The following DOCK3 variants were observed in gnomAD, a reference collection of about 807,000 sequenced individuals.
DOCK3 encodes the protein dedicator of cytokinesis protein 3.
A neutral mutation model predicts 265.6 loss-of-function variants in DOCK3; 60 were observed. The ratio of observed to expected loss-of-function variants is 0.23; its 90% CI spans 0.18 to 0.28. The LOEUF is 0.28. Ranked by LOEUF, DOCK3 falls within the 10% of genes least tolerant of loss-of-function variation. DOCK3 has a pLI of 1.00. For missense variants in DOCK3, 1,981 were observed against 2,594.3 expected, an observed-to-expected ratio of 0.76 and a Z score of 5.14; for synonymous variants, 881 against 938.0, an observed-to-expected ratio of 0.94 and a Z score of 1.11.
At chr3:50,704,546 G>A (rs142021253) in intron 1 of DOCK3, among the ~76,000 whole-genome samples, 4 of 151,814 alleles carry the variant, frequency 2.6e-5, no homozygotes, top group East Asian at 1.9e-4. Flanking sequence ...TCCAGTATGC[G>A]TGGAAACATG....
At chr3:51,164,623 C>CA (rs11399207) in intron 12 of DOCK3, among the ~76,000 whole-genome samples, 71,219 of 106,336 alleles carry the variant, frequency 0.67, 23,368 homozygotes, top group African/African-American at 0.78. Flanking sequence ...GACTCCGTCT[C>CA]AAAAAAAAAA....
chr3:51,028,059 T>A (rs1178433849), intron 5 of DOCK3, among the ~76,000 whole-genome samples: 1 of 152,176 alleles, frequency 6.6e-6, no homozygotes, highest in African/African-American at 2.4e-5. Context: ...TGTGCTTTTG[T>A]GTAGCAAGTA....
rs922404356 is a variant in DOCK3, at chr3:51,042,870, G to A, written c.316-21578G>A. Reference sequence around the variant, plus strand: ...TGCCATAAAAAGAATAAAACACCTAGGAGTACAGCTAATCAGGGAGGTTGA... The same window carrying A: ...TGCCATAAAAAGAATAAAACACCTAAGAGTACAGCTAATCAGGGAGGTTGA... On this transcript the variant is annotated intron_variant, in intron 5 of 52. Coordinates refer to ENST00000266037, the MANE Select transcript of DOCK3 (RefSeq NM_004947.5). Among the ~76,000 whole-genome samples, 13 of 152,158 alleles carry A rather than the reference G, an allele frequency of 8.5e-5. No homozygotes were observed. The East Asian group carries it at 2.3e-3, about 27-fold the overall frequency.
intron 2 of DOCK3, among the ~76,000 whole-genome samples, chr3:50,821,417 A>G (rs186323398): frequency 2.0e-5 from 3 of 151,918 alleles, no homozygotes; most frequent in African/African-American, 7.2e-5. Context: ...CTCCTGCCTC[A>G]GCCTCCAGAG....
intron 2 of DOCK3, among the ~76,000 whole-genome samples, chr3:50,824,188 A>G (rs1180069872): frequency 6.6e-6 from 1 of 152,218 alleles, no homozygotes; most frequent in African/African-American, 2.4e-5. Flanking sequence ...TAATAAGTGA[A>G]TAAATGAATG....
At chr3:50,854,101 C>G (rs1055091678) in intron 3 of DOCK3, among the ~76,000 whole-genome samples, 1 of 152,036 alleles carries the variant, frequency 6.6e-6, no homozygotes, top group African/African-American at 2.4e-5. Flanking sequence ...TTGGCTGCTT[C>G]TGTGTCTTCT....
intron 5 of DOCK3, among the ~76,000 whole-genome samples, chr3:50,993,728 C>T (rs542287183): frequency 6.6e-6 from 1 of 152,372 alleles, no homozygotes; most frequent in African/African-American, 2.4e-5. Flanking sequence ...GTAGAATCTA[C>T]ACCTCCATCT....
intron 49 of DOCK3, among the ~76,000 whole-genome samples, chr3:51,372,960 T>G (rs2087805998): frequency 6.6e-6 from 1 of 152,230 alleles, no homozygotes; most frequent in South Asian, 2.1e-4. Context: ...AAAATCATAT[T>G]TTAGTCATTC....
intron 32 of DOCK3, among the ~76,000 whole-genome samples, chr3:51,329,002 A>C (rs967639811): frequency 1.3e-5 from 2 of 151,990 alleles, no homozygotes; most frequent in African/African-American, 4.8e-5. Context: ...AAAATACAAA[A>C]ATTAGCTGGG....
At chr3:50,775,470 T>C (rs1454437825) in intron 1 of DOCK3, among the ~76,000 whole-genome samples, 2 of 152,122 alleles carry the variant, frequency 1.3e-5, no homozygotes, top group Non-Finnish European at 2.9e-5. Context: ...AATTTGTTTC[T>C]TTTCTTTTTT....
chr3:51,145,542 G>A (rs2085259720), intron 9 of DOCK3, among the ~76,000 whole-genome samples: 1 of 152,152 alleles, frequency 6.6e-6, no homozygotes, highest in Admixed American at 6.5e-5. Flanking sequence ...CGATGGCTTT[G>A]AATGCAGCCC....
intron 6 of DOCK3, among the ~76,000 whole-genome samples, chr3:51,073,438 G>A (rs2081956043): frequency 6.6e-6 from 1 of 152,184 alleles, no homozygotes; most frequent in Non-Finnish European, 1.5e-5. Flanking sequence ...GCCTGAAATT[G>A]TTTCAGATAA....
At chr3:51,318,240 G>T (rs776710644) in intron 32 of DOCK3, among the ~76,000 whole-genome samples, 3 of 152,052 alleles carry the variant, frequency 2.0e-5, no homozygotes, top group Non-Finnish European at 4.4e-5. Context: ...TTAACCGGGC[G>T]TGGTGGCAGG....
At chr3:51,265,963 C>A (rs61660900) in intron 23 of DOCK3, among the ~76,000 whole-genome samples, 10,813 of 152,112 alleles carry the variant, frequency 0.071, 961 homozygotes, top group East Asian at 0.32. Context: ...GTCTCAGCCC[C>A]AAATCTCCTT....
intron 4 of DOCK3, chr3:50,901,760 C>T (rs550024764): frequency 5.4e-4 from 241 of 445,984 alleles, no homozygotes; most frequent in African/African-American, 4.1e-3. Flanking sequence ...CTGGGTGAGG[C>T]GACACCCTAC....
intron 51 of DOCK3, among the ~76,000 whole-genome samples, chr3:51,377,778 C>T (rs1220271668): frequency 2.0e-5 from 3 of 152,198 alleles, no homozygotes; most frequent in African/African-American, 7.2e-5. Context: ...GCCTTCTTCT[C>T]CCATAGCCTT....
intron 1 of DOCK3, among the ~76,000 whole-genome samples, chr3:50,770,037 A>G (rs1192363684): frequency 4.6e-5 from 7 of 152,122 alleles, no homozygotes; most frequent in Non-Finnish European, 7.3e-5. Flanking sequence ...TTCCTCTAAG[A>G]TCTGGAACAG....
intron 2 of DOCK3, among the ~76,000 whole-genome samples, chr3:50,820,771 T>G (rs976703870): frequency 1.3e-5 from 2 of 152,026 alleles, no homozygotes; most frequent in African/African-American, 4.8e-5. Context: ...CCAATTTACA[T>G]TCCCATCAAA....
At chr3:50,861,480 CT>C (rs139597417) in intron 3 of DOCK3, among the ~76,000 whole-genome samples, 1 of 152,228 alleles carries the variant, frequency 6.6e-6, no homozygotes, top group East Asian at 1.9e-4. Flanking sequence ...TCCACAGTTT[CT>C]TTTTTCTCTG....
Sources: allele counts gnomAD v4.1 joint callset (sites outside exome capture counted in the v4.1 genomes callset), GRCh38; gene constraint gnomAD v4.1.1; transcripts MANE v1.5; gene names NCBI Gene and HGNC (gene_info 2026-07-23, HGNC 2026-07-21).